Variants in OLFM1 observed in about 807,000 individuals in gnomAD.
OLFM1 encodes olfactomedin 1.
In OLFM1, 9 loss-of-function variants were observed where a neutral mutation model predicts 49.7. The observed-to-expected ratio is 0.18, with a 90% CI of 0.11 to 0.32. OLFM1 has a LOEUF of 0.32. Ranked by LOEUF, OLFM1 falls within the 10% of genes least tolerant of loss-of-function variation. OLFM1 has a pLI of 1.00. For synonymous variants in OLFM1, 240 were observed against 271.8 expected (o/e 0.88, Z 1.15); for missense variants, 369 against 661.8 (o/e 0.56, Z 4.85).
At chr9:135,087,344 G>T, upstream of OLFM1, 1 of 1,543,042 alleles carries the variant, frequency 6.5e-7, no homozygotes, top group Non-Finnish European at 8.7e-7. Flanking sequence ...ACCCTCTGCG[G>T]GGATCGGAGA....
intron 4 of OLFM1, among the ~76,000 whole-genome samples, chr9:135,101,835 C>T (rs1485005786): frequency 6.6e-6 from 1 of 152,246 alleles, no homozygotes; most frequent in Non-Finnish European, 1.5e-5. Context: ...TGCCTGTCAG[C>T]TTCAGGCCTC....
chr9:135,097,310 T>A (rs1778987), intron 3 of OLFM1, among the ~76,000 whole-genome samples: 1 of 152,232 alleles, frequency 6.6e-6, no homozygotes, highest in Admixed American at 6.5e-5. Flanking sequence ...TCAGAGGCAG[T>A]TGGACATTTT....
At chr9:135,079,313 G>A (rs1816686450) in intron 1 of OLFM1, among the ~76,000 whole-genome samples, 1 of 152,178 alleles carries the variant, frequency 6.6e-6, no homozygotes, top group Non-Finnish European at 1.5e-5. Context: ...CCACTAGTGA[G>A]CCCGGGGGAA....
chr9:135,086,937 A>T (rs548530473), upstream of OLFM1, among the ~76,000 whole-genome samples: 107 of 152,152 alleles, frequency 7.0e-4, no homozygotes, highest in African/African-American at 2.3e-3. Context: ...TCAGCTCCTG[A>T]GGTCCAGGCC....
chr9:135,086,715 T>G (rs1190650981), upstream of OLFM1: 1 of 455,794 alleles, frequency 2.2e-6, no homozygotes. Context: ...CAGGTGGGAC[T>G]GACACGCGTG....
At chr9:135,084,598 C>T (rs1354398145), upstream of OLFM1, among the ~76,000 whole-genome samples, 1 of 151,082 alleles carries the variant, frequency 6.6e-6, no homozygotes, top group African/African-American at 2.5e-5. This position sits in a 1 kb window ranked among gnomAD's most constrained non-coding sequence, Gnocchi z 4.6. Flanking sequence ...TTGTCTCTCT[C>T]TCTCTCTCTT....
upstream of OLFM1, chr9:135,087,489 C>A (rs1017002877): frequency 2.7e-6 from 4 of 1,480,216 alleles, no homozygotes; most frequent in Non-Finnish European, 3.6e-6. Flanking sequence ...CCTCATGTCA[C>A]CCTGATCCCA....
chr9:135,113,293 C>T lies in OLFM1; in HGVS notation c.784-6211C>T, dbSNP rs1199782377. Among the ~76,000 whole-genome samples, 2 of 152,142 alleles carry T rather than the reference C, an allele frequency of 1.3e-5. No individual in the cohort carries two copies. The highest frequency in any genetic ancestry group is 2.9e-5 in the Non-Finnish European group (2 of 68,018). The stretch of plus-strand genomic sequence containing the variant: ...GTCTCGGTTTTCAGATGGGCTGACC[C>T]TACCGCCACGTCCCCACAGGTGGTC... On this transcript the variant is annotated intron_variant, in intron 5 of 5. Transcript: ENST00000371793. The surrounding 1 kb of genome is among the most constrained non-coding windows in gnomAD (Gnocchi z 4.0).
chr9:135,104,054 G>A (rs905502375), intron 4 of OLFM1, among the ~76,000 whole-genome samples: 2 of 152,192 alleles, frequency 1.3e-5, no homozygotes, highest in African/African-American at 2.4e-5. Flanking sequence ...AGGAAACAGG[G>A]TGAGTGCAGG....
intron 2 of OLFM1, among the ~76,000 whole-genome samples, chr9:135,091,350 C>T (rs1830682430): frequency 6.6e-6 from 1 of 152,206 alleles, no homozygotes; most frequent in Non-Finnish European, 1.5e-5. Flanking sequence ...AAGAAAGGTG[C>T]ATTTGCATGT....
upstream of OLFM1, chr9:135,087,333 G>A: frequency 6.5e-7 from 1 of 1,538,158 alleles, no homozygotes; most frequent in Non-Finnish European, 8.7e-7. Context: ...CCCCAAAGCG[G>A]ACCCTCTGCG....
intron 5 of OLFM1, among the ~76,000 whole-genome samples, chr9:135,118,984 G>T (rs976651727): frequency 6.7e-6 from 1 of 148,486 alleles, no homozygotes; most frequent in African/African-American, 2.5e-5. Context: ...CGGGTCTTTG[G>T]CATGCTCGCC....
At chr9:135,114,256 G>A (rs10125773) in intron 5 of OLFM1, among the ~76,000 whole-genome samples, 38,008 of 149,142 alleles carry the variant, frequency 0.25, 4,942 homozygotes, top group Middle Eastern at 0.31. Flanking sequence ...GAGTAGCTGG[G>A]ATTACAGGCA....
At chr9:135,107,689 C>T (rs906107929) in intron 5 of OLFM1, among the ~76,000 whole-genome samples, 1 of 152,224 alleles carries the variant, frequency 6.6e-6, no homozygotes, top group African/African-American at 2.4e-5. Flanking sequence ...GCATTTCTCA[C>T]CCAGCAACCC....
Position 135,117,567 on chromosome 9 carries a change from G to A in OLFM1, c.784-1937G>A, listed in dbSNP as rs532764864. Among the ~76,000 whole-genome samples the A allele has an allele frequency of 2.6e-5, 4 of 152,326 alleles. No individual in the cohort carries two copies. Among genetic ancestry groups the A allele is most frequent in the African/African-American group, 4.8e-5 (2 of 41,560 alleles). ...CCTGGGGCTGTGAGCATTTGCCCTC[G>A]GCTAGGCCAGGTGGCTGTGCCCCTT... On this transcript the variant is annotated intron_variant, in intron 5 of 5. Transcript: ENST00000371793. This position sits in a 1 kb window ranked among gnomAD's most constrained non-coding sequence, Gnocchi z 5.5.
At chr9:135,108,547 C>T (rs137994151) in intron 5 of OLFM1, among the ~76,000 whole-genome samples, 6 of 151,968 alleles carry the variant, frequency 3.9e-5, no homozygotes, top group South Asian at 2.1e-4. Flanking sequence ...GCATAAGAAT[C>T]GCTTGAACCT....
chr9:135,084,238 GA>G (rs1169825124), upstream of OLFM1, among the ~76,000 whole-genome samples: 1 of 152,212 alleles, frequency 6.6e-6, no homozygotes, highest in African/African-American at 2.4e-5. This position sits in a 1 kb window ranked among gnomAD's most constrained non-coding sequence, Gnocchi z 4.6. Context: ...ATACAACGTA[GA>G]AAAAGGAGAG....
chr9:135,085,021 G>A (rs35051362), upstream of OLFM1, among the ~76,000 whole-genome samples: 7,167 of 152,296 alleles, frequency 0.047, 303 homozygotes, highest in East Asian at 0.15. Flanking sequence ...TCACACTTGC[G>A]TCTTCTGAGC....
chr9:135,076,199 T>G (rs1482348792), intron 1 of OLFM1: 3 of 1,550,432 alleles, frequency 1.9e-6, no homozygotes, highest in Non-Finnish European at 2.6e-6. Flanking sequence ...GGGACCTTAG[T>G]CCTACCCCCA....
Sources: gnomAD v4.1 joint callset for allele counts (sites outside exome capture counted in the v4.1 genomes callset) on GRCh38, gnomAD v4.1.1 for gene constraint, Gnocchi (gnomAD v3.1) non-coding constraint, MANE v1.5 for transcripts, NCBI Gene and HGNC (gene_info 2026-07-23, HGNC 2026-07-21) for gene names.